SDK1: variants seen among roughly 807,000 people sequenced by gnomAD.
SDK1 encodes sidekick cell adhesion molecule 1.
Under a neutral mutation model 245.5 loss-of-function variants are expected in SDK1, and 157 were observed. The ratio of observed to expected loss-of-function variants is 0.64; its 90% confidence interval spans 0.56 to 0.73. The LOEUF (loss-of-function observed/expected upper bound fraction) is 0.73, where lower values mean the gene tolerates loss of function less well. Ranked by LOEUF, SDK1 falls within the 30% of genes least tolerant of loss-of-function variation. The pLI is 0.00. For synonymous variants in SDK1, 1,647 were observed against 1,278.5 expected, an observed-to-expected ratio of 1.29 and a Z score of -6.15; for missense variants, 3,583 against 3,002.3, an observed-to-expected ratio of 1.19 and a Z score of -4.52.
chr7:3,755,410 A>G (rs1038746678), intron 4 of SDK1, among the ~76,000 whole-genome samples: 11 of 152,112 alleles, frequency 7.2e-5, no homozygotes, highest in African/African-American at 2.2e-4. Context: ...GTTGACATAC[A>G]CGGTCTGGCC....
chr7:3,367,032 G>A (rs1302844291), intron 1 of SDK1, among the ~76,000 whole-genome samples: 4 of 152,238 alleles, frequency 2.6e-5, no homozygotes, highest in Middle Eastern at 3.4e-3. Context: ...GAGCTACCGC[G>A]CCCGGCCTAT....
chr7:3,844,786 C>G (rs150824399), intron 5 of SDK1, among the ~76,000 whole-genome samples: 4 of 152,124 alleles, frequency 2.6e-5, no homozygotes, highest in Admixed American at 6.5e-5. Context: ...GTGAGCCTCT[C>G]GTGCTGCTGA....
chr7:3,564,973 G>T (rs1478753676), intron 1 of SDK1, among the ~76,000 whole-genome samples: 4 of 152,110 alleles, frequency 2.6e-5, no homozygotes, highest in Non-Finnish European at 4.4e-5. Context: ...CAAGCAGAAG[G>T]AGATATAATA....
intron 5 of SDK1, among the ~76,000 whole-genome samples, chr7:3,949,086 C>G (rs951335784): frequency 1.3e-5 from 2 of 152,140 alleles, no homozygotes; most frequent in Non-Finnish European, 1.5e-5. Context: ...ATCTGATAAC[C>G]AGCCCAGGAA....
chr7:3,675,879 G>A (rs1783876676), intron 4 of SDK1, among the ~76,000 whole-genome samples: 1 of 152,116 alleles, frequency 6.6e-6, no homozygotes, highest in Non-Finnish European at 1.5e-5. Context: ...TAATTGGGTT[G>A]TTTTTTGCTT....
intron 5 of SDK1, among the ~76,000 whole-genome samples, chr7:3,843,199 G>A (rs575624463): frequency 5.9e-5 from 9 of 152,244 alleles, no homozygotes; most frequent in African/African-American, 1.9e-4. Flanking sequence ...ATGAAGCCTC[G>A]TGGTAACTCA....
intron 35 of SDK1, among the ~76,000 whole-genome samples, chr7:4,191,245 T>C (rs1331019703): frequency 6.7e-6 from 1 of 149,908 alleles, no homozygotes; most frequent in African/African-American, 2.5e-5. Flanking sequence ...CCCCAGGCCC[T>C]CCCCCGCCGC....
At chr7:3,728,770 T>C (rs1347509668) in intron 4 of SDK1, among the ~76,000 whole-genome samples, 2 of 152,156 alleles carry the variant, frequency 1.3e-5, no homozygotes, top group African/African-American at 4.8e-5. Flanking sequence ...CATGCCTGGC[T>C]AATTTTTGTA....
At chr7:3,361,673 C>T (rs1343667157) in intron 1 of SDK1, among the ~76,000 whole-genome samples, 2 of 152,132 alleles carry the variant, frequency 1.3e-5, no homozygotes, top group African/African-American at 4.8e-5. Flanking sequence ...TGGCTGCCAC[C>T]TCTTTAGAAC....
chr7:3,914,842 C>A (rs1364671011), intron 5 of SDK1, among the ~76,000 whole-genome samples: 1 of 152,106 alleles, frequency 6.6e-6, no homozygotes, highest in Non-Finnish European at 1.5e-5. Context: ...TTAAATGAGA[C>A]CTTCAGAATC....
chr7:3,614,345 G>A (rs965736535), intron 1 of SDK1, among the ~76,000 whole-genome samples: 5 of 152,144 alleles, frequency 3.3e-5, no homozygotes, highest in Admixed American at 6.5e-5. Context: ...TTAGAATACA[G>A]AAGTATTCCT....
chr7:4,095,565 T>A (rs990547092), intron 22 of SDK1, among the ~76,000 whole-genome samples: 6 of 152,064 alleles, frequency 3.9e-5, no homozygotes, highest in African/African-American at 1.4e-4. Flanking sequence ...TATTTTTAAT[T>A]TTTATTTATT....
At chr7:4,088,453 C>T (rs1012126166) in intron 22 of SDK1, among the ~76,000 whole-genome samples, 7 of 152,060 alleles carry the variant, frequency 4.6e-5, no homozygotes, top group Non-Finnish European at 7.4e-5. Context: ...ATTTTATCAT[C>T]AGGTATGACA....
chr7:3,679,494 G>C (rs1345792249), intron 4 of SDK1, among the ~76,000 whole-genome samples: 5 of 152,126 alleles, frequency 3.3e-5, no homozygotes, highest in Non-Finnish European at 7.3e-5. Flanking sequence ...GTGAACCCGG[G>C]AGGTGGAGCT....
intron 17 of SDK1, among the ~76,000 whole-genome samples, chr7:4,040,021 C>T (rs1240659889): frequency 6.6e-6 from 1 of 152,094 alleles, no homozygotes; most frequent in Non-Finnish European, 1.5e-5. Flanking sequence ...TTTGTCTGTC[C>T]CTGCATGAGA....
chr7:3,857,088 A>G (rs978427756), intron 5 of SDK1, among the ~76,000 whole-genome samples: 5 of 152,154 alleles, frequency 3.3e-5, no homozygotes, highest in African/African-American at 1.2e-4. Context: ...CTATTAACTG[A>G]AAAAAATTAC....
At chr7:3,367,242 G>C (rs1781116750) in intron 1 of SDK1, among the ~76,000 whole-genome samples, 1 of 151,810 alleles carries the variant, frequency 6.6e-6, no homozygotes, top group South Asian at 2.1e-4. Context: ...TGTCATCGTT[G>C]TAATTTCATG....
intron 4 of SDK1, among the ~76,000 whole-genome samples, chr7:3,701,730 A>G (rs1784745046): frequency 1.3e-5 from 2 of 152,220 alleles, no homozygotes; most frequent in Non-Finnish European, 2.9e-5. Flanking sequence ...AATTCTTACA[A>G]TATAGGTAAT....
In SDK1 at chr7:3,805,053, A is replaced by G. The variant is rs370814247; in HGVS notation, c.714-16397A>G. Among the ~76,000 whole-genome samples, 195 of 152,352 alleles carry G rather than the reference A, an allele frequency of 1.3e-3. No individual in the cohort carries two copies. In the South Asian group the frequency reaches 0.021, roughly 16 times the overall value. ...CTTACCACAAAAAGAAAAAAAATAC[A>G]TGAGGTAATGTATGGTTAATTAGTT... is the stretch of plus-strand genomic sequence containing the variant. On this transcript the variant is annotated intron_variant, in intron 4 of 44. Transcript: ENST00000404826.
Sources: gnomAD v4.1 joint callset for allele counts (sites outside exome capture counted in the v4.1 genomes callset) on GRCh38, gnomAD v4.1.1 for gene constraint, MANE v1.5 for transcripts, NCBI Gene and HGNC (gene_info 2026-07-23, HGNC 2026-07-21) for gene names.